Variants in FGF14 observed in about 807,000 individuals in gnomAD.
FGF14 encodes fibroblast growth factor 14.
FGF14 carries 5 observed loss-of-function variants against 25.5 expected under a neutral mutation model. The observed-to-expected ratio is 0.20, with a 90% CI of 0.10 to 0.41. The LOEUF is 0.41. Ranked by LOEUF, FGF14 falls within the 10% of genes least tolerant of loss-of-function variation. FGF14 has a pLI of 1.00. For missense variants in FGF14, 222 were observed against 320.1 expected, an observed-to-expected ratio of 0.69 and a Z score of 2.34; for synonymous variants, 138 against 118.3, an observed-to-expected ratio of 1.17 and a Z score of -1.08.
intron 1 of FGF14, among the ~76,000 whole-genome samples, chr13:101,913,962 T>C (rs2033214056): frequency 6.6e-6 from 1 of 152,184 alleles, no homozygotes; most frequent in South Asian, 2.1e-4. Context: ...AACTCTTCTA[T>C]TCACTGCTGT....
intron 3 of FGF14, among the ~76,000 whole-genome samples, chr13:101,789,368 T>C (rs937654373): frequency 2.6e-5 from 4 of 152,118 alleles, no homozygotes; most frequent in African/African-American, 7.2e-5. Context: ...CAGAGATTCA[T>C]AGGTGCCTTC....
chr13:102,378,623 CTATCTATCTA>C (rs971245575), intron 1 of FGF14, among the ~76,000 whole-genome samples: 20 of 124,264 alleles, frequency 1.6e-4, no homozygotes, highest in East Asian at 2.4e-4. Flanking sequence ...ATCTATCTAT[CTATCTATCTA>C]TATATATATA....
intron 1 of FGF14, among the ~76,000 whole-genome samples, chr13:102,150,580 C>T (rs2047042260): frequency 6.6e-6 from 1 of 152,048 alleles, no homozygotes; most frequent in African/African-American, 2.4e-5. Flanking sequence ...CATGACAAGC[C>T]AAGGAGTAAA....
chr13:101,878,103 G>A (rs1022722034), intron 1 of FGF14, among the ~76,000 whole-genome samples: 1 of 152,074 alleles, frequency 6.6e-6, no homozygotes, highest in Non-Finnish European at 1.5e-5. Context: ...TTATCTGATG[G>A]CTCTGCTCAC....
At chr13:102,387,112 G>C (rs925152887) in intron 1 of FGF14, among the ~76,000 whole-genome samples, 1 of 152,132 alleles carries the variant, frequency 6.6e-6, no homozygotes, top group Non-Finnish European at 1.5e-5. Flanking sequence ...CAAAGAAATT[G>C]CAACTGCTGA....
At chr13:102,374,018 A>T (rs984789725) in intron 1 of FGF14, among the ~76,000 whole-genome samples, 2 of 152,150 alleles carry the variant, frequency 1.3e-5, no homozygotes, top group African/African-American at 4.8e-5. Flanking sequence ...AAGGAACTCA[A>T]GCATTGGATG....
At chr13:102,328,852 C>T (rs754341283) in intron 1 of FGF14, among the ~76,000 whole-genome samples, 9 of 152,162 alleles carry the variant, frequency 5.9e-5, no homozygotes, top group Non-Finnish European at 1.2e-4. Flanking sequence ...GAAACTGATG[C>T]CATTATTTGT....
chr13:102,152,593 A>G (rs2047135743), intron 1 of FGF14, among the ~76,000 whole-genome samples: 1 of 152,166 alleles, frequency 6.6e-6, no homozygotes, highest in Non-Finnish European at 1.5e-5. Context: ...ACTTCAACCT[A>G]TGAATTTTAG....
chr13:102,134,035 G>A (rs1393724336), intron 1 of FGF14, among the ~76,000 whole-genome samples: 1 of 152,160 alleles, frequency 6.6e-6, no homozygotes, highest in Non-Finnish European at 1.5e-5. Flanking sequence ...TTTTTATGTA[G>A]TGTTTATTAC....
intron 1 of FGF14, among the ~76,000 whole-genome samples, chr13:102,321,931 T>C (rs560678443): frequency 3.9e-4 from 59 of 152,326 alleles, no homozygotes; most frequent in Middle Eastern, 6.8e-3. Context: ...AACTCTGTAC[T>C]GGGAGCAGAC....
chr13:102,242,565 C>T (rs4772456), intron 1 of FGF14, among the ~76,000 whole-genome samples: 130,865 of 152,024 alleles, frequency 0.86, 56,901 homozygotes, highest in East Asian at 1. Context: ...ATCCATTCCA[C>T]GAATATGAGC....
At chr13:102,135,017 C>CCA (rs71125050) in intron 1 of FGF14, among the ~76,000 whole-genome samples, 15,251 of 142,448 alleles carry the variant, frequency 0.11, 830 homozygotes, top group Non-Finnish European at 0.14. Context: ...GACCCCGTGT[C>CCA]CACACACACA....
In FGF14 at chr13:101,714,339, G is replaced by GT; in HGVS notation, c.*8491dup. On this transcript the variant is annotated 3_prime_UTR_variant, in exon 5 of 5. Transcript: ENST00000376143. The stretch of plus-strand genomic sequence containing the variant: ...ATACACTTTTACCTTTGGATGATGG[G>GT]TTATTAGAAGCCTGTTGTCAGTGTG... 1.3e-6 allele frequency: 1 copy of GT among 764,386 alleles called. No individual in the cohort carries two copies. The highest frequency in any genetic ancestry group is 2.4e-5 in the East Asian group (1 of 40,860). The allele number at this position is 764,386 out of a possible 1,614,324, so 47.4% of individuals were successfully genotyped here.
At chr13:101,849,019 T>G (rs1265305181) in intron 3 of FGF14, among the ~76,000 whole-genome samples, 2 of 152,078 alleles carry the variant, frequency 1.3e-5, no homozygotes, top group East Asian at 3.9e-4. Context: ...TTTTGTATCT[T>G]CTGACCTCCT....
intron 3 of FGF14, among the ~76,000 whole-genome samples, chr13:101,825,390 T>C (rs1176217876): frequency 6.6e-6 from 1 of 152,194 alleles, no homozygotes; most frequent in Non-Finnish European, 1.5e-5. Flanking sequence ...TTCTTCCTAT[T>C]ACTCATGGAT....
intron 1 of FGF14, among the ~76,000 whole-genome samples, chr13:102,361,255 A>T (rs1216020935): frequency 6.6e-6 from 1 of 152,178 alleles, no homozygotes; most frequent in Non-Finnish European, 1.5e-5. Flanking sequence ...CTTCACCTGG[A>T]CTTGTCTGTG....
At chr13:102,152,497 T>C (rs1011853505) in intron 1 of FGF14, among the ~76,000 whole-genome samples, 11 of 152,214 alleles carry the variant, frequency 7.2e-5, no homozygotes, top group South Asian at 2.1e-4. Context: ...ACAAGTCAGA[T>C]TGGATTAAAG....
rs139484833 is a variant in FGF14, at chr13:101,916,568, G to A, written c.78C>T (p.Ala26=). 3.7e-4 allele frequency: 597 copies of A among 1,611,532 alleles called. 2 individuals are homozygous for A. The highest frequency in any genetic ancestry group is 4.7e-4 in the Non-Finnish European group (559 of 1,179,264). The change falls in exon 1 of 5, where the codon GCC becomes GCT. Residue 26 remains alanine, a synonymous_variant. Coordinates refer to ENST00000376143, the MANE Select transcript of FGF14 (RefSeq NM_004115.4). ...AREQHWDRPS[A]SRRRSSPSKN... Reference sequence around the variant, plus strand: ...TGCTGGGGCTGCTCCGCCTCCTGCTGGCAGACGGCCGGTCCCAGTGCTGCT... The same window carrying A: ...TGCTGGGGCTGCTCCGCCTCCTGCTAGCAGACGGCCGGTCCCAGTGCTGCT...
intron 1 of FGF14, among the ~76,000 whole-genome samples, chr13:102,083,522 T>C (rs1256179799): frequency 6.6e-6 from 1 of 152,172 alleles, no homozygotes; most frequent in African/African-American, 2.4e-5. Context: ...ACCTTAAACA[T>C]TCCTTTCTAC....
Sources: allele counts gnomAD v4.1 joint callset (sites outside exome capture counted in the v4.1 genomes callset), GRCh38; gene constraint gnomAD v4.1.1; transcripts MANE v1.5; gene names NCBI Gene and HGNC (gene_info 2026-07-23, HGNC 2026-07-21).